The following FOXP2 variants were observed in gnomAD, a reference collection of about 807,000 sequenced individuals.
FOXP2 encodes the protein forkhead box protein P2.
A neutral mutation model predicts 115.8 loss-of-function variants in FOXP2; 12 were observed. The observed-to-expected ratio is 0.10, with a 90% confidence interval of 0.07 to 0.17. The LOEUF (loss-of-function observed/expected upper bound fraction) is 0.17, where lower values mean the gene tolerates loss of function less well. FOXP2 is among the 10% of genes least tolerant of loss of function. The pLI is 1.00. For missense variants in FOXP2, 629 were observed against 843.5 expected, an observed-to-expected ratio of 0.75 and a Z score of 3.15; for synonymous variants, 328 against 297.7, an observed-to-expected ratio of 1.10 and a Z score of -1.05.
intron 2 of FOXP2, among the ~76,000 whole-genome samples, chr7:114,431,050 T>C (rs1200900547): frequency 1.3e-5 from 2 of 151,980 alleles, no homozygotes; most frequent in African/African-American, 2.4e-5. Flanking sequence ...CAGTGTTGTG[T>C]ATCTACAGTG....
intron 3 of FOXP2, among the ~76,000 whole-genome samples, chr7:114,571,089 T>C (rs1213834887): frequency 1.3e-5 from 2 of 151,984 alleles, no homozygotes; most frequent in Non-Finnish European, 2.9e-5. Context: ...TCACTAGATA[T>C]ACATTTCACA....
At chr7:114,620,635 A>C (rs1479469148) in intron 3 of FOXP2, among the ~76,000 whole-genome samples, 1 of 152,088 alleles carries the variant, frequency 6.6e-6, no homozygotes, top group Non-Finnish European at 1.5e-5. Flanking sequence ...TATTAAACAA[A>C]ATATTGCAAC....
intron 1 of FOXP2, among the ~76,000 whole-genome samples, chr7:114,176,702 T>G (rs1315175273): frequency 6.6e-6 from 1 of 151,492 alleles, no homozygotes; most frequent in Non-Finnish European, 1.5e-5. Context: ...TTATTGAATT[T>G]TAACTTACAT....
intron 2 of FOXP2, among the ~76,000 whole-genome samples, chr7:114,441,044 A>G (rs1324030769): frequency 1.3e-5 from 2 of 152,182 alleles, no homozygotes; most frequent in Non-Finnish European, 1.5e-5. Context: ...TAAAAATATC[A>G]TATATAATTT....
chr7:114,170,243 G>A (rs542737968), intron 1 of FOXP2, among the ~76,000 whole-genome samples: 1 of 152,282 alleles, frequency 6.6e-6, no homozygotes, highest in South Asian at 2.1e-4. Context: ...ATGTAAAACA[G>A]CAAACTTAAT....
chr7:114,304,995 A>G (rs1045636431), intron 2 of FOXP2, among the ~76,000 whole-genome samples: 7 of 152,178 alleles, frequency 4.6e-5, no homozygotes, highest in African/African-American at 1.4e-4. Flanking sequence ...TAAAATTTTT[A>G]CTATGCTGTA....
intron 2 of FOXP2, among the ~76,000 whole-genome samples, chr7:114,433,852 T>G (rs1021479204): frequency 6.6e-6 from 1 of 152,014 alleles, no homozygotes; most frequent in Non-Finnish European, 1.5e-5. Flanking sequence ...TACATGAATA[T>G]TAGTCATTAA....
At chr7:114,355,947 G>A (rs1414897004) in intron 2 of FOXP2, among the ~76,000 whole-genome samples, 1 of 152,150 alleles carries the variant, frequency 6.6e-6, no homozygotes, top group Admixed American at 6.6e-5. Context: ...ATTTAAAAGT[G>A]ATACTTACCT....
At chr7:114,087,756 C>G (rs1359122698) in exon 1 of FOXP2, 1 of 151,856 alleles carries the variant, frequency 6.6e-6, no homozygotes, top group East Asian at 1.9e-4. Flanking sequence ...AGTGTGGACC[C>G]TCACTTGCTG....
intron 3 of FOXP2, among the ~76,000 whole-genome samples, chr7:114,570,013 A>G (rs911863198): frequency 2.6e-5 from 4 of 151,900 alleles, no homozygotes; most frequent in Non-Finnish European, 5.9e-5. Flanking sequence ...AAGTCTAAGG[A>G]TGTGTTGTCA....
chr7:114,433,607 G>C (rs1794209068), intron 2 of FOXP2, among the ~76,000 whole-genome samples: 1 of 151,834 alleles, frequency 6.6e-6, no homozygotes, highest in Non-Finnish European at 1.5e-5. Context: ...TTATGAAGAT[G>C]CAAGTGTACT....
In FOXP2 at chr7:114,663,438, T is replaced by A. The variant is rs771960652; in HGVS notation, c.1770-12T>A. 3.8e-5 allele frequency: 59 copies of A among 1,568,526 alleles called. No homozygotes were observed. The highest frequency in any genetic ancestry group is 3.1e-4 in the African/African-American group (23 of 73,654). On this transcript the variant is annotated splice_polypyrimidine_tract_variant and intron_variant, in intron 14 of 16. Coordinates refer to ENST00000350908, the MANE Select transcript of FOXP2 (RefSeq NM_014491.4). The stretch of plus-strand genomic sequence containing the variant: ...TGACGTATAAATGATCTTTATATAT[T>A]TTTTTTTTCAGAAGTCCAACCTTAG...
At chr7:114,588,906 A>T (rs1158422697) in intron 3 of FOXP2, among the ~76,000 whole-genome samples, 1 of 152,184 alleles carries the variant, frequency 6.6e-6, no homozygotes, top group Non-Finnish European at 1.5e-5. Flanking sequence ...AGAATATGGT[A>T]ACTCCCTGCT....
intron 2 of FOXP2, among the ~76,000 whole-genome samples, chr7:114,334,769 A>G (rs1304033293): frequency 6.6e-6 from 1 of 151,210 alleles, no homozygotes; most frequent in Non-Finnish European, 1.5e-5. Context: ...AAGATAATGT[A>G]TTTACTTCAT....
intron 16 of FOXP2, among the ~76,000 whole-genome samples, chr7:114,687,238 G>A (rs1033588022): frequency 6.6e-6 from 1 of 152,092 alleles, no homozygotes; most frequent in Non-Finnish European, 1.5e-5. Flanking sequence ...TTGGAGCATA[G>A]CTAATATGGT....
upstream of FOXP2, among the ~76,000 whole-genome samples, chr7:114,159,542 A>G (rs562120650): frequency 2.6e-5 from 4 of 152,338 alleles, no homozygotes; most frequent in East Asian, 7.7e-4. Flanking sequence ...AATAAATGAT[A>G]AATGAATAAT....
intron 2 of FOXP2, among the ~76,000 whole-genome samples, chr7:114,484,095 C>A (rs748361503): frequency 8.6e-5 from 13 of 151,708 alleles, no homozygotes; most frequent in Admixed American, 4.6e-4. Flanking sequence ...GTAACAATTT[C>A]TTTTGCAGGG....
chr7:114,500,215 CAAAAA>C (rs760392447), intron 2 of FOXP2, among the ~76,000 whole-genome samples: 97 of 50,980 alleles, frequency 1.9e-3, no homozygotes, highest in Middle Eastern at 0.012. Context: ...GACTCCATCT[CAAAAA>C]AAAAAAAAAA....
intron 3 of FOXP2, among the ~76,000 whole-genome samples, chr7:114,622,006 A>G (rs999879667): frequency 6.6e-5 from 10 of 152,054 alleles, no homozygotes; most frequent in Admixed American, 6.6e-4. Context: ...TGACTGAAGA[A>G]TCACAACCAA....
Sources: allele counts gnomAD v4.1 joint callset (sites outside exome capture counted in the v4.1 genomes callset), GRCh38; gene constraint gnomAD v4.1.1; transcripts MANE v1.5; gene names NCBI Gene and HGNC (gene_info 2026-07-23, HGNC 2026-07-21).